The following FAM120A variants were observed in gnomAD, a reference collection of about 807,000 sequenced individuals.
FAM120A encodes family with sequence similarity 120 member A.
FAM120A carries 15 observed loss-of-function variants against 109.7 expected under a neutral mutation model. The ratio of observed to expected loss-of-function variants is 0.14; its 90% confidence interval spans 0.09 to 0.21. FAM120A has a LOEUF of 0.21. Among genes scored for constraint, FAM120A ranks in the 10% least tolerant of loss-of-function variants. The pLI, the probability that FAM120A is intolerant of heterozygous loss-of-function variation, is 1.00. For synonymous variants in FAM120A, 493 were observed against 572.8 expected (o/e 0.86, Z 1.99); for missense variants, 899 against 1,439.3 (o/e 0.62, Z 6.07).
intron 3 of FAM120A, among the ~76,000 whole-genome samples, chr9:93,479,799 T>A (rs2131289566): frequency 6.6e-6 from 1 of 152,298 alleles, no homozygotes; most frequent in Admixed American, 6.5e-5. Context: ...TCACTGTAAA[T>A]TTTTAACTCT....
intron 1 of FAM120A, among the ~76,000 whole-genome samples, chr9:93,463,923 C>T (rs1189444925): frequency 1.3e-5 from 2 of 152,142 alleles, no homozygotes; most frequent in Admixed American, 6.5e-5. Flanking sequence ...ATTTGTCAAG[C>T]GCTTATTATT....
chr9:93,482,900 T>C (rs1197281251), intron 3 of FAM120A, among the ~76,000 whole-genome samples: 1 of 152,196 alleles, frequency 6.6e-6, no homozygotes, highest in Admixed American at 6.5e-5. Context: ...GGACTAGGGC[T>C]AGAGGTCCCA....
intron 7 of FAM120A, among the ~76,000 whole-genome samples, chr9:93,520,868 G>A (rs1860817669): frequency 1.3e-5 from 2 of 152,222 alleles, no homozygotes; most frequent in Non-Finnish European, 2.9e-5. Context: ...GGGCAGTAGG[G>A]CAGCCTTCAT....
intron 1 of FAM120A, among the ~76,000 whole-genome samples, chr9:93,460,335 G>A (rs10821129): frequency 0.27 from 40,960 of 151,944 alleles, 6,591 homozygotes; most frequent in East Asian, 0.44. Flanking sequence ...ATAGTTCATC[G>A]TTTATTTCCT....
At chr9:93,458,081 C>T (rs1310559541) in intron 1 of FAM120A, among the ~76,000 whole-genome samples, 2 of 152,148 alleles carry the variant, frequency 1.3e-5, no homozygotes, top group African/African-American at 4.8e-5. Context: ...TCAAACACTT[C>T]AGCACCTGGT....
At chr9:93,485,984 A>AAAAAG (rs1039537043) in intron 3 of FAM120A, among the ~76,000 whole-genome samples, 12 of 152,092 alleles carry the variant, frequency 7.9e-5, no homozygotes, top group Non-Finnish European at 1.5e-4. Flanking sequence ...CTTTTTTAAA[A>AAAAAG]AAAAGAAAAG....
Position 93,564,535 on chromosome 9 carries a change from G to A in FAM120A, c.3352G>A (p.Glu1118Lys). 6.2e-7 allele frequency: 1 copy of A among 1,602,552 alleles called. No individual in the cohort carries two copies. The highest frequency in any genetic ancestry group is 8.5e-7 in the Non-Finnish European group (1 of 1,172,214). ...GGAGGCAGCTGTCTTAAATAAAGAA[G>A]AGTAAACTTATTTTTTATAGAGGGT... The part of the protein sequence containing the change: ...ALEAAVLNKE[E>K] Residue 1118 changes from glutamate to lysine, a missense_variant, in exon 18 of 18, where the codon GAG (glutamate) becomes AAG (lysine). Glu to Lys is a moderately conservative substitution (Grantham distance 56, BLOSUM62 1). Coordinates refer to ENST00000277165, the MANE Select transcript of FAM120A (RefSeq NM_014612.5).
At position 93,532,115 on chromosome 9, in the gene FAM120A, G is replaced by GA; in HGVS notation, c.1735-35dup. 6.3e-7 allele frequency: 1 copy of GA among 1,583,712 alleles called. No homozygotes were observed. The highest frequency in any genetic ancestry group is 1.3e-5 in the African/African-American group (1 of 74,136). On this transcript the variant is annotated intron_variant, in intron 9 of 17. Transcript: ENST00000277165. This position sits in a 1 kb window ranked among gnomAD's most constrained non-coding sequence, Gnocchi z 4.3. ...TGTGAGTGTATTGTAAATTCAACATGAAAAATGTGCAATGTTATTCTGCTT... is the reference window on the plus strand; with the variant it reads ...TGTGAGTGTATTGTAAATTCAACATGAAAAAATGTGCAATGTTATTCTGCTT...
chr9:93,559,930 G>A (rs1862414573), intron 15 of FAM120A, among the ~76,000 whole-genome samples: 1 of 152,176 alleles, frequency 6.6e-6, no homozygotes, highest in African/African-American at 2.4e-5. Context: ...TTAAGCTCTG[G>A]CTAGAACATG....
chr9:93,541,826 A>C (rs886955529), intron 10 of FAM120A, among the ~76,000 whole-genome samples: 2 of 152,294 alleles, frequency 1.3e-5, no homozygotes, highest in Non-Finnish European at 2.9e-5. Flanking sequence ...ACGTGTTCCT[A>C]TACGTGACAC....
At chr9:93,533,518 A>C (rs1034948852) in intron 10 of FAM120A, among the ~76,000 whole-genome samples, 2 of 152,172 alleles carry the variant, frequency 1.3e-5, no homozygotes, top group African/African-American at 4.8e-5. Context: ...TGGAACAATG[A>C]ACATTGTAAA....
At chr9:93,458,226 C>A (rs539712115) in intron 1 of FAM120A, among the ~76,000 whole-genome samples, 2 of 151,602 alleles carry the variant, frequency 1.3e-5, no homozygotes, top group African/African-American at 4.9e-5. Context: ...GAGCTTGGAC[C>A]GTATAATTAG....
intron 3 of FAM120A, among the ~76,000 whole-genome samples, chr9:93,490,101 A>G (rs188996875): frequency 2.2e-4 from 33 of 152,352 alleles, no homozygotes; most frequent in Admixed American, 1.9e-3. Context: ...TTTCTAGCAC[A>G]GGCCTCATCC....
At chr9:93,546,839 T>A (rs780815885) in intron 11 of FAM120A, among the ~76,000 whole-genome samples, 1 of 152,216 alleles carries the variant, frequency 6.6e-6, no homozygotes, top group Non-Finnish European at 1.5e-5. Context: ...TCAATTTCTA[T>A]TGGACACATG....
In FAM120A at chr9:93,492,296, TC is replaced by T. The variant is rs543237161; in HGVS notation, c.805-5173del. On this transcript the variant is annotated intron_variant, in intron 3 of 17. Transcript: ENST00000277165. Reference sequence around the variant, plus strand: ...ACTTAACAAGTTTCTAAAGGATTTATCCTAGAATACCTTTTAGTACCAAGAT... The same window carrying T: ...ACTTAACAAGTTTCTAAAGGATTTATCTAGAATACCTTTTAGTACCAAGAT... 2.6e-3 allele frequency among the ~76,000 whole-genome samples: 401 copies of T among 152,340 alleles called. 1 individual carries two copies. The highest frequency in any genetic ancestry group is 9.1e-3 in the African/African-American group (379 of 41,566).
At chr9:93,506,223 C>A (rs557974189) in intron 5 of FAM120A, among the ~76,000 whole-genome samples, 1 of 152,256 alleles carries the variant, frequency 6.6e-6, no homozygotes, top group East Asian at 1.9e-4. Context: ...TGGAATTACA[C>A]CAACTCTGTA....
chr9:93,504,738 C>A (rs991852193), intron 5 of FAM120A, among the ~76,000 whole-genome samples: 2 of 152,074 alleles, frequency 1.3e-5, no homozygotes, highest in Non-Finnish European at 2.9e-5. Context: ...TGATGGATAG[C>A]GCACTTGTGA....
chr9:93,479,514 G>A (rs899768920), intron 3 of FAM120A, among the ~76,000 whole-genome samples: 13 of 152,166 alleles, frequency 8.5e-5, no homozygotes. Context: ...TAAGCTTGAG[G>A]ATGCAAAGTC....
chr9:93,537,191 G>A (rs1049784131), intron 10 of FAM120A, among the ~76,000 whole-genome samples: 2 of 152,214 alleles, frequency 1.3e-5, no homozygotes, highest in Non-Finnish European at 2.9e-5. Flanking sequence ...TGGTGGAGGT[G>A]GTTACATGCC....
Sources: gnomAD v4.1 joint callset for allele counts (sites outside exome capture counted in the v4.1 genomes callset) on GRCh38, gnomAD v4.1.1 for gene constraint, Gnocchi (gnomAD v3.1) non-coding constraint, MANE v1.5 for transcripts, NCBI Gene and HGNC (gene_info 2026-07-23, HGNC 2026-07-21) for gene names.